Variants in ZFP90 observed in about 807,000 individuals in gnomAD.
The protein encoded by ZFP90 is zinc finger protein 90 homolog.
A neutral mutation model predicts 60.8 loss-of-function variants in ZFP90; 38 were observed. That is an observed-to-expected ratio of 0.62 (90% CI 0.48 to 0.82). The LOEUF is 0.82. Among genes scored for constraint, ZFP90 ranks in the 40% least tolerant of loss-of-function variants. The pLI is 0.00. For synonymous variants in ZFP90, 287 were observed against 264.8 expected (o/e 1.08, Z -0.82); for missense variants, 711 against 759.1 (o/e 0.94, Z 0.74).
At chr16:68,567,653 C>T (rs949968263), downstream of ZFP90, among the ~76,000 whole-genome samples, 5 of 152,188 alleles carry the variant, frequency 3.3e-5, no homozygotes, top group African/African-American at 7.2e-5. Context: ...GTTTCTATTT[C>T]CTGATGTCCT....
chr16:68,567,303 A>T (rs1314922534), downstream of ZFP90, among the ~76,000 whole-genome samples: 2 of 152,194 alleles, frequency 1.3e-5, no homozygotes, highest in Admixed American at 1.3e-4. Context: ...CACATCTGTC[A>T]TTCAATCCTT....
At chr16:68,552,826 C>T (rs112809750) in intron 2 of ZFP90, among the ~76,000 whole-genome samples, 24 of 152,176 alleles carry the variant, frequency 1.6e-4, no homozygotes, top group African/African-American at 5.5e-4. Context: ...GAGGCTGACA[C>T]AGGAGAACTG....
chr16:68,546,732 G>A (rs1368545187), intron 2 of ZFP90, among the ~76,000 whole-genome samples: 6 of 152,088 alleles, frequency 3.9e-5, no homozygotes, highest in East Asian at 3.9e-4. Context: ...GGCTGGTCTC[G>A]AACTCCAGAC....
chr16:68,545,387 A>G (rs886626220), intron 2 of ZFP90, among the ~76,000 whole-genome samples: 1 of 152,162 alleles, frequency 6.6e-6, no homozygotes, highest in African/African-American at 2.4e-5. Flanking sequence ...ATATAGCACA[A>G]ATTATATTTT....
At chr16:68,552,772 TG>T (rs1263248198) in intron 2 of ZFP90, among the ~76,000 whole-genome samples, 1 of 152,164 alleles carries the variant, frequency 6.6e-6, no homozygotes, top group East Asian at 1.9e-4. Flanking sequence ...TAAATATTTG[TG>T]GATGAGGCAT....
intron 3 of ZFP90, 30 bp downstream of exon 3, chr16:68,558,154 T>C: frequency 1.9e-6 from 3 of 1,609,636 alleles, no homozygotes. Context: ...GTGTCTTTCC[T>C]GCTGATGGGC....
At chr16:68,562,316 G>A (rs548619433) in intron 4 of ZFP90, 14 of 152,220 alleles carry the variant, frequency 9.2e-5, no homozygotes, top group African/African-American at 2.6e-4. Context: ...AAAGGTTATC[G>A]TTCTTAAACC....
In ZFP90 at chr16:68,557,869, C is replaced by T. The variant is rs112476405; in HGVS notation, c.34-129C>T. On this transcript the variant is annotated intron_variant, in intron 2 of 4. Transcript: ENST00000563169. ...TATGTAAACAATAAGTTTATGTAACCCAACATTGCCTCCTCAATCTAACAA... is the reference window on the plus strand; with the variant it reads ...TATGTAAACAATAAGTTTATGTAACTCAACATTGCCTCCTCAATCTAACAA... 1.0e-3 allele frequency: 1,276 copies of T among 1,270,178 alleles called. 11 individuals are homozygous for T. The African/African-American group carries it at 0.016, about 16-fold the overall frequency. The allele number at this position is 1,270,178 out of a possible 1,614,324, so 78.7% of individuals were successfully genotyped here.
downstream of ZFP90, among the ~76,000 whole-genome samples, chr16:68,568,714 T>C (rs769171120): frequency 1.3e-5 from 2 of 152,196 alleles, no homozygotes; most frequent in Non-Finnish European, 2.9e-5. Context: ...GGTCTTGCCT[T>C]GTCACCCAGG....
chr16:68,576,401 A>G (rs537626329), downstream of ZFP90, among the ~76,000 whole-genome samples: 2 of 152,334 alleles, frequency 1.3e-5, no homozygotes, highest in Admixed American at 6.5e-5. Context: ...TAGGCTAACC[A>G]AAAAGCTTAA....
At chr16:68,543,102 ATGGTGACACC>A (rs1402303781) in intron 2 of ZFP90, among the ~76,000 whole-genome samples, 1 of 152,128 alleles carries the variant, frequency 6.6e-6, no homozygotes, top group Non-Finnish European at 1.5e-5. Flanking sequence ...CCTTATTGAG[ATGGTGACACC>A]TGAGCAGACT....
At chr16:68,541,062 G>C (rs1045361179) in intron 2 of ZFP90, among the ~76,000 whole-genome samples, 18 of 151,418 alleles carry the variant, frequency 1.2e-4, no homozygotes, top group African/African-American at 4.1e-4. Context: ...TTTTGAGACA[G>C]TCTCATTCTG....
Position 68,554,556 on chromosome 16 carries a change from C to T in ZFP90, c.34-3442C>T, listed in dbSNP as rs115653577. Reference sequence around the variant, plus strand: ...GTTAAAGAACAGAGGCCAGTGGTTGCCCTGTCAAGGCAAGAAGTTATGAGT... The same window carrying T: ...GTTAAAGAACAGAGGCCAGTGGTTGTCCTGTCAAGGCAAGAAGTTATGAGT... On this transcript the variant is annotated intron_variant, in intron 2 of 4. Coordinates refer to ENST00000563169, the MANE Select transcript of ZFP90 (RefSeq NM_001305203.2). Among the ~76,000 whole-genome samples the T allele has an allele frequency of 4.6e-3, 707 of 152,278 alleles. 10 individuals carry two copies. Among genetic ancestry groups the T allele is most frequent in the African/African-American group, 0.016 (659 of 41,568 alleles).
At chr16:68,569,136 C>CTTTTTTT (rs35827680), downstream of ZFP90, among the ~76,000 whole-genome samples, 14 of 123,036 alleles carry the variant, frequency 1.1e-4, 1 homozygote, top group Non-Finnish European at 1.6e-4. Context: ...ATTAGTCCCA[C>CTTTTTTT]TTTTTTTTTT....
At chr16:68,538,581 C>T (rs535967764), upstream of ZFP90, among the ~76,000 whole-genome samples, 3 of 152,232 alleles carry the variant, frequency 2.0e-5, no homozygotes, top group African/African-American at 7.2e-5. Context: ...CATCGCATGC[C>T]TGTAATCCCA....
chr16:68,535,613 C>G (rs929347931), upstream of ZFP90: 7 of 152,050 alleles, frequency 4.6e-5, no homozygotes, highest in Admixed American at 3.9e-4. Context: ...ATGACTTGAG[C>G]TATACTAGGC....
rs952439882 is a variant in ZFP90 at position 68,533,857 on chromosome 16, T to C, written c.-36+2T>C. The C allele has an allele frequency of 1.3e-5, 2 of 152,182 alleles. No individual in the cohort carries two copies. Among genetic ancestry groups the C allele is most frequent in the Non-Finnish European group, 2.9e-5 (2 of 68,040 alleles). The allele number at this position is 152,182 out of a possible 1,614,324, so 9.4% of individuals were successfully genotyped here. A position where few individuals can be genotyped will look rare whatever the true frequency, so the allele number is the denominator to read the frequency against. ...CTTCTAATTTTCATTCCTTCAAAGG[T>C]AATCTGTTTTTTCTCTCTAGGATTT... On this transcript the variant is annotated splice_donor_variant, in intron 2 of 3. Coordinates refer to the ZFP90 transcript ENST00000569109. LOFTEE classifies it low-confidence loss of function (5UTR_SPLICE).
At chr16:68,559,950 C>A (rs528638997) in intron 4 of ZFP90, among the ~76,000 whole-genome samples, 1 of 151,168 alleles carries the variant, frequency 6.6e-6, no homozygotes, top group South Asian at 2.1e-4. Flanking sequence ...CTCCCTGCAG[C>A]CTTGACCTCC....
At chr16:68,557,544 G>A (rs1341060378) in intron 2 of ZFP90, among the ~76,000 whole-genome samples, 1 of 151,938 alleles carries the variant, frequency 6.6e-6, no homozygotes, top group East Asian at 1.9e-4. Flanking sequence ...TAAGTGGGTG[G>A]GTGGGGTGTT....
Sources: allele counts gnomAD v4.1 joint callset (sites outside exome capture counted in the v4.1 genomes callset), GRCh38; gene constraint gnomAD v4.1.1; transcripts MANE v1.5; gene names NCBI Gene and HGNC (gene_info 2026-07-23, HGNC 2026-07-21).